The following ABLIM3 variants were observed in gnomAD, a reference collection of about 807,000 sequenced individuals.
ABLIM3 encodes the protein actin-binding LIM protein 3.
ABLIM3 carries 61 observed loss-of-function variants against 109.5 expected under a neutral mutation model. The ratio of observed to expected loss-of-function variants is 0.56; its 90% CI spans 0.45 to 0.69. The LOEUF is 0.69. Among genes scored for constraint, ABLIM3 ranks in the 30% least tolerant of loss-of-function variants. The pLI, the probability that ABLIM3 is intolerant of heterozygous loss-of-function variation, is 0.00. For missense variants in ABLIM3, 796 were observed against 889.5 expected, an observed-to-expected ratio of 0.89 and a Z score of 1.34; for synonymous variants, 300 against 324.8, an observed-to-expected ratio of 0.92 and a Z score of 0.82.
intron 10 of ABLIM3, among the ~76,000 whole-genome samples, chr5:149,234,044 C>T (rs1448330836): frequency 1.3e-5 from 2 of 152,218 alleles, no homozygotes; most frequent in African/African-American, 2.4e-5. Context: ...ATGAACTACA[C>T]AGACTTGATG....
intron 3 of ABLIM3, among the ~76,000 whole-genome samples, chr5:149,188,821 T>C (rs959099293): frequency 6.6e-6 from 1 of 152,242 alleles, no homozygotes; most frequent in African/African-American, 2.4e-5. Flanking sequence ...ATGCAATCCC[T>C]ATCAAAATCT....
chr5:149,192,862 G>A (rs1007279392), intron 3 of ABLIM3, among the ~76,000 whole-genome samples: 1 of 145,094 alleles, frequency 6.9e-6, no homozygotes, highest in Non-Finnish European at 1.5e-5. Context: ...CAAGTCTGTA[G>A]ATATAACCAC....
chr5:149,222,792 C>T (rs1760794858), intron 8 of ABLIM3, among the ~76,000 whole-genome samples: 1 of 151,668 alleles, frequency 6.6e-6, no homozygotes. Flanking sequence ...AAGTGAGGGC[C>T]TCCCATTGTT....
intron 5 of ABLIM3, among the ~76,000 whole-genome samples, chr5:149,201,555 C>T (rs1300756210): frequency 6.6e-6 from 1 of 152,170 alleles, no homozygotes; most frequent in African/African-American, 2.4e-5. Context: ...AGGCTCCCTC[C>T]CTTGCCTGCT....
At chr5:149,252,118 A>T (rs1032597019) in intron 21 of ABLIM3, 83 bp from the exon 22 acceptor site, 2 of 1,515,470 alleles carry the variant, frequency 1.3e-6, no homozygotes, top group African/African-American at 2.8e-5. Context: ...CCCCTGAGAG[A>T]GTAGGACAGA....
intron 2 of ABLIM3, among the ~76,000 whole-genome samples, chr5:149,167,900 G>A (rs937320784): frequency 1.3e-5 from 2 of 152,136 alleles, no homozygotes; most frequent in Admixed American, 1.3e-4. Context: ...TCTGTGGGAT[G>A]GAGGGGATCC....
intron 6 of ABLIM3, among the ~76,000 whole-genome samples, chr5:149,209,221 G>A (rs1759305283): frequency 6.6e-6 from 1 of 152,208 alleles, no homozygotes; most frequent in Admixed American, 6.5e-5. Flanking sequence ...GGACTTAAGG[G>A]ATTGTTCAGA....
intron 9 of ABLIM3, among the ~76,000 whole-genome samples, chr5:149,231,156 C>A (rs1005327680): frequency 6.6e-6 from 1 of 152,208 alleles, no homozygotes; most frequent in African/African-American, 2.4e-5. Context: ...GCAAGAAATT[C>A]TATCTTTGCC....
intron 2 of ABLIM3, among the ~76,000 whole-genome samples, chr5:149,144,792 C>T (rs1471856072): frequency 6.6e-6 from 1 of 152,194 alleles, no homozygotes; most frequent in Non-Finnish European, 1.5e-5. Context: ...CTGAGTACAA[C>T]TCCTAATCAA....
chr5:149,171,361 G>A (rs1440756124), intron 2 of ABLIM3, among the ~76,000 whole-genome samples: 1 of 152,096 alleles, frequency 6.6e-6, no homozygotes, highest in Non-Finnish European at 1.5e-5. Flanking sequence ...CAGAAAATGT[G>A]ATAAGTGCTT....
chr5:149,172,849 G>A (rs1352299101), intron 2 of ABLIM3, among the ~76,000 whole-genome samples: 4 of 152,250 alleles, frequency 2.6e-5, no homozygotes, highest in African/African-American at 4.8e-5. Context: ...AATTATAACC[G>A]AAAGGAAACA....
chr5:149,216,225 C>T (rs533053390), intron 7 of ABLIM3, among the ~76,000 whole-genome samples: 6 of 152,126 alleles, frequency 3.9e-5, no homozygotes, highest in Non-Finnish European at 8.8e-5. Context: ...CTGTGAACCT[C>T]GTGAGCTGAT....
intron 20 of ABLIM3, 90 bp downstream of exon 20, chr5:149,250,595 C>G (rs1226274905): frequency 6.8e-7 from 1 of 1,473,588 alleles, no homozygotes; most frequent in African/African-American, 1.4e-5. Flanking sequence ...GAAACCTGAG[C>G]AAAGGTCCTG....
At chr5:149,228,870 A>G (rs1761568205) in intron 8 of ABLIM3, among the ~76,000 whole-genome samples, 2 of 152,164 alleles carry the variant, frequency 1.3e-5, no homozygotes, top group African/African-American at 4.8e-5. Context: ...TCAGAGTGAA[A>G]TGCCAATGTT....
chr5:149,163,806 T>C (rs1754594876), intron 2 of ABLIM3: 1 of 152,018 alleles, frequency 6.6e-6, no homozygotes, highest in Admixed American at 6.6e-5. Flanking sequence ...CAACATGGAG[T>C]CCCTCCTCAC....
chr5:149,198,426 T>G lies in ABLIM3; in HGVS notation c.335+24T>G. 1 of 1,582,938 alleles carries G rather than the reference T, an allele frequency of 6.3e-7. No individual in the cohort carries two copies. Among genetic ancestry groups the G allele is most frequent in the Non-Finnish European group, 8.6e-7 (1 of 1,165,304 alleles). On this transcript the variant is annotated intron_variant, in intron 4 of 23. Coordinates refer to ENST00000309868, the MANE Select transcript of ABLIM3 (RefSeq NM_014945.5). This position sits in a 1 kb window ranked among gnomAD's most constrained non-coding sequence, Gnocchi z 4.2. ...AGGTGAGTGGGCGACCAGCAGGGCC[T>G]GGGACCCTCTGCATAAGCCCCCGGG... is the stretch of plus-strand genomic sequence containing the variant.
At chr5:149,224,087 A>G (rs143261220) in intron 8 of ABLIM3, among the ~76,000 whole-genome samples, 2 of 152,328 alleles carry the variant, frequency 1.3e-5, no homozygotes, top group African/African-American at 4.8e-5. Context: ...TATATACTCA[A>G]TAAATGGCAG....
intron 5 of ABLIM3, among the ~76,000 whole-genome samples, chr5:149,203,875 G>A (rs926513511): frequency 2.6e-5 from 4 of 152,214 alleles, no homozygotes; most frequent in African/African-American, 9.6e-5. Flanking sequence ...AGGGAGATAA[G>A]AGTAATTATT....
intron 10 of ABLIM3, among the ~76,000 whole-genome samples, chr5:149,234,981 C>T (rs1762206064): frequency 6.6e-6 from 1 of 152,128 alleles, no homozygotes. Context: ...CAGAATTGCC[C>T]CTGTGATGAG....
Sources: gnomAD v4.1 joint callset for allele counts (sites outside exome capture counted in the v4.1 genomes callset) on GRCh38, gnomAD v4.1.1 for gene constraint, Gnocchi (gnomAD v3.1) non-coding constraint, MANE v1.5 for transcripts, NCBI Gene and HGNC (gene_info 2026-07-23, HGNC 2026-07-21) for gene names.